DIAPH3: variants seen among roughly 807,000 people sequenced by gnomAD.
DIAPH3 encodes protein diaphanous homolog 3.
DIAPH3 carries 117 observed loss-of-function variants against 144.3 expected under a neutral mutation model. The ratio of observed to expected loss-of-function variants is 0.81; its 90% CI spans 0.70 to 0.95. The LOEUF (loss-of-function observed/expected upper bound fraction) is 0.95, where lower values mean the gene tolerates loss of function less well. Among genes scored for constraint, DIAPH3 ranks in the 40% least tolerant of loss-of-function variants. DIAPH3 has a pLI of 0.00. For missense variants in DIAPH3, 1,421 were observed against 1,412.7 expected (o/e 1.01, Z -0.09); for synonymous variants, 519 against 488.9 (o/e 1.06, Z -0.81).
chr13:59,871,646 C>A (rs73543259), intron 21 of DIAPH3, among the ~76,000 whole-genome samples: 216 of 152,314 alleles, frequency 1.4e-3, no homozygotes, highest in African/African-American at 5.0e-3. Flanking sequence ...TATTCCCTCT[C>A]CTTCTATTTA....
chr13:59,771,794 A>C (rs1042757801), intron 27 of DIAPH3, among the ~76,000 whole-genome samples: 1 of 152,040 alleles, frequency 6.6e-6, no homozygotes, highest in African/African-American at 2.4e-5. Context: ...AAAAATATTG[A>C]CTCTCTGATA....
intron 17 of DIAPH3, among the ~76,000 whole-genome samples, chr13:59,953,798 G>A (rs962162532): frequency 1.3e-5 from 2 of 152,150 alleles, no homozygotes; most frequent in African/African-American, 4.8e-5. Context: ...TGCATACAAA[G>A]TATATGATAA....
intron 24 of DIAPH3, among the ~76,000 whole-genome samples, chr13:59,822,208 GT>G (rs2041108817): frequency 6.6e-6 from 1 of 152,006 alleles, no homozygotes; most frequent in African/African-American, 2.4e-5. Flanking sequence ...CCCATTGTGT[GT>G]TCTCTTCCCT....
chr13:60,159,392 G>A (rs1048220727), intron 1 of DIAPH3, among the ~76,000 whole-genome samples: 2 of 152,022 alleles, frequency 1.3e-5, no homozygotes, highest in African/African-American at 2.4e-5. Flanking sequence ...TTGGGAGGCC[G>A]AAGCGGGTGG....
chr13:60,101,084 T>C (rs2058255409), intron 3 of DIAPH3, among the ~76,000 whole-genome samples: 1 of 152,222 alleles, frequency 6.6e-6, no homozygotes, highest in Admixed American at 6.5e-5. Flanking sequence ...AGTACTCCTG[T>C]AATCTTAAAC....
intron 3 of DIAPH3, among the ~76,000 whole-genome samples, chr13:60,102,303 C>CA (rs1240987128): frequency 1.3e-5 from 2 of 152,038 alleles, no homozygotes; most frequent in African/African-American, 4.8e-5. Flanking sequence ...TAAAATTAAA[C>CA]AAAAAAACTT....
intron 27 of DIAPH3, among the ~76,000 whole-genome samples, chr13:59,761,626 T>C (rs778421048): frequency 1.3e-5 from 2 of 152,192 alleles, no homozygotes; most frequent in Non-Finnish European, 2.9e-5. Context: ...ACATTTATTA[T>C]CCTGAGCTAG....
intron 18 of DIAPH3, among the ~76,000 whole-genome samples, chr13:59,923,278 T>C (rs755627931): frequency 2.0e-5 from 3 of 152,202 alleles, no homozygotes; most frequent in Non-Finnish European, 4.4e-5. Flanking sequence ...TAATTTGTAA[T>C]GCAGGTCATG....
At chr13:59,689,750 G>A (rs932971086) in intron 27 of DIAPH3, among the ~76,000 whole-genome samples, 1 of 151,152 alleles carries the variant, frequency 6.6e-6, no homozygotes, top group South Asian at 2.1e-4. Flanking sequence ...GTTTTAGGGC[G>A]GACAGATTTG....
rs183494679 is a variant in DIAPH3, at chr13:59,940,346, C to T, written c.2075-15476G>A. ...ATATCCCTTACTGTAAACTCCCCAA[C>T]CTAACTAATTAAAAACTATCTTTAA... On this transcript the variant is annotated intron_variant, in intron 17 of 27. Coordinates refer to ENST00000400324, the MANE Select transcript of DIAPH3 (RefSeq NM_001042517.2). 2.0e-3 allele frequency among the ~76,000 whole-genome samples: 311 copies of T among 152,238 alleles called. 2 individuals are homozygous for T. The highest frequency in any genetic ancestry group is 7.2e-3 in the African/African-American group (300 of 41,532).
chr13:59,988,380 T>A lies in DIAPH3; in HGVS notation c.1361+2778A>T, dbSNP rs768879341. On this transcript the variant is annotated intron_variant, in intron 12 of 27. Transcript: ENST00000400324. ...TCTTTTCTACTCAACATTATTCTAA[T>A]GTTTTTAAAATGAAAATGTTTTAAA... Among the ~76,000 whole-genome samples, 11 of 152,046 alleles carry A rather than the reference T, an allele frequency of 7.2e-5. No homozygotes were observed. The East Asian group carries it at 2.1e-3, about 30-fold the overall frequency.
At chr13:60,086,544 A>G (rs940558645) in intron 4 of DIAPH3, among the ~76,000 whole-genome samples, 1 of 152,170 alleles carries the variant, frequency 6.6e-6, no homozygotes, top group East Asian at 1.9e-4. Flanking sequence ...CAAATTTTTT[A>G]CTAAGCTTTT....
chr13:59,719,237 C>A (rs1297033867), intron 27 of DIAPH3, among the ~76,000 whole-genome samples: 1 of 152,064 alleles, frequency 6.6e-6, no homozygotes, highest in Admixed American at 6.6e-5. Flanking sequence ...TGAATGGAGA[C>A]AAACGTATTT....
At chr13:59,845,545 G>A (rs2042584774) in intron 22 of DIAPH3, among the ~76,000 whole-genome samples, 2 of 152,008 alleles carry the variant, frequency 1.3e-5, no homozygotes, top group South Asian at 2.1e-4. Flanking sequence ...TACAACCTGG[G>A]GTGCTCTACT....
chr13:60,074,672 G>C (rs907157887), intron 4 of DIAPH3, among the ~76,000 whole-genome samples: 6 of 152,040 alleles, frequency 3.9e-5, no homozygotes, highest in Non-Finnish European at 8.8e-5. Context: ...TCCATCAAGG[G>C]TTTTCCTTTA....
intron 5 of DIAPH3, among the ~76,000 whole-genome samples, chr13:60,019,404 G>A (rs918938141): frequency 6.6e-6 from 1 of 152,008 alleles, no homozygotes; most frequent in East Asian, 1.9e-4. Flanking sequence ...TATGACATTT[G>A]TATCAGAAAA....
At chr13:59,784,888 T>C (rs1288838856) in intron 25 of DIAPH3, among the ~76,000 whole-genome samples, 1 of 152,020 alleles carries the variant, frequency 6.6e-6, no homozygotes, top group Non-Finnish European at 1.5e-5. Context: ...CTAACATAAT[T>C]ACATGAATTA....
chr13:59,690,005 C>A (rs2033420541), intron 27 of DIAPH3, among the ~76,000 whole-genome samples: 1 of 151,944 alleles, frequency 6.6e-6, no homozygotes, highest in Non-Finnish European at 1.5e-5. Context: ...TCACTTTACC[C>A]AAGAGGAAAC....
chr13:59,888,032 C>G (rs1044770182), intron 20 of DIAPH3, among the ~76,000 whole-genome samples: 6 of 151,960 alleles, frequency 3.9e-5, no homozygotes, highest in African/African-American at 1.5e-4. Flanking sequence ...TTTTCATGTG[C>G]TATTTTATTA....
Sources: gnomAD v4.1 joint callset for allele counts (sites outside exome capture counted in the v4.1 genomes callset) on GRCh38, gnomAD v4.1.1 for gene constraint, MANE v1.5 for transcripts, NCBI Gene and HGNC (gene_info 2026-07-23, HGNC 2026-07-21) for gene names.